ZBTB7C: variants seen among roughly 807,000 people sequenced by gnomAD.
The protein encoded by ZBTB7C is zinc finger and BTB domain containing 7C.
Under a neutral mutation model 25.7 loss-of-function variants are expected in ZBTB7C, and 8 were observed. The ratio of observed to expected loss-of-function variants is 0.31; its 90% CI spans 0.18 to 0.56. The LOEUF (loss-of-function observed/expected upper bound fraction) is 0.56. Ranked by LOEUF, ZBTB7C falls within the 20% of genes least tolerant of loss-of-function variation. The pLI, the probability that ZBTB7C is intolerant of heterozygous loss-of-function variation, is 0.91. For missense variants in ZBTB7C, 824 were observed against 855.2 expected (o/e 0.96, Z 0.46); for synonymous variants, 394 against 369.0 (o/e 1.07, Z -0.78).
chr18:48,069,189 A>T (rs1233378842), intron 3 of ZBTB7C, among the ~76,000 whole-genome samples: 2 of 152,208 alleles, frequency 1.3e-5, no homozygotes, highest in Non-Finnish European at 2.9e-5. Context: ...ACTGTCCCAC[A>T]GTCACTGGGC....
intron 3 of ZBTB7C, among the ~76,000 whole-genome samples, chr18:48,077,886 T>C (rs2037833795): frequency 7.1e-6 from 1 of 140,626 alleles, no homozygotes; most frequent in Non-Finnish European, 1.5e-5. Context: ...TCCCTTAGCC[T>C]CCCCAGCTCA....
At chr18:48,104,284 C>G (rs898725474) in intron 3 of ZBTB7C, among the ~76,000 whole-genome samples, 1 of 152,088 alleles carries the variant, frequency 6.6e-6, no homozygotes, top group African/African-American at 2.4e-5. Flanking sequence ...TTAAAAAGAG[C>G]CTGGTACCTT....
intron 1 of ZBTB7C, among the ~76,000 whole-genome samples, chr18:48,356,066 A>AC (rs11372975): frequency 1 from 152,311 of 152,312 alleles, 76,155 homozygotes; most frequent in Middle Eastern, 1. Flanking sequence ...GGGGCCCAGC[A>AC]CCTGTTTTGG....
chr18:48,224,404 AG>A (rs2043037634), intron 2 of ZBTB7C, among the ~76,000 whole-genome samples: 1 of 152,190 alleles, frequency 6.6e-6, no homozygotes, highest in South Asian at 2.1e-4. Flanking sequence ...GAGCAGAGGA[AG>A]GTTCATGGGA....
chr18:48,320,845 GA>G (rs1239007411), intron 2 of ZBTB7C, among the ~76,000 whole-genome samples: 1 of 152,196 alleles, frequency 6.6e-6, no homozygotes, highest in Non-Finnish European at 1.5e-5. Flanking sequence ...CAGCCAGCCT[GA>G]CCAGAAACCC....
chr18:48,381,783 A>G (rs560328150), intron 1 of ZBTB7C, among the ~76,000 whole-genome samples: 1 of 152,322 alleles, frequency 6.6e-6, no homozygotes, highest in African/African-American at 2.4e-5. Context: ...TCTTCACTCT[A>G]GGATCTAGGC....
chr18:48,075,813 C>T (rs59855428), intron 3 of ZBTB7C, among the ~76,000 whole-genome samples: 8,535 of 152,246 alleles, frequency 0.056, 309 homozygotes, highest in Middle Eastern at 0.1. Flanking sequence ...CTGCTCTGTC[C>T]GCTAATCTCC....
rs199685411 is a variant in ZBTB7C at position 48,195,650 on chromosome 18, G to GT, written c.-78-9656dup. Among the ~76,000 whole-genome samples, 83 of 151,624 alleles carry GT rather than the reference G, an allele frequency of 5.5e-4. 1 individual carries two copies. The highest frequency in any genetic ancestry group is 1.9e-3 in the African/African-American group (79 of 41,314). On this transcript the variant is annotated intron_variant, in intron 2 of 4. Coordinates refer to ENST00000590800, the MANE Select transcript of ZBTB7C (RefSeq NM_001318841.2). ...CACTGCCTACAATTTCCAGTTTTCA[G>GT]TTTTTTTTTCCACTTGAATGACAAA...
chr18:48,193,942 G>T (rs765547534), intron 2 of ZBTB7C, among the ~76,000 whole-genome samples: 1 of 152,254 alleles, frequency 6.6e-6, no homozygotes, highest in African/African-American at 2.4e-5. Context: ...AGAGGGAGTG[G>T]GGGAGGTTGT....
At chr18:48,245,681 A>C (rs1336892969) in intron 2 of ZBTB7C, among the ~76,000 whole-genome samples, 1 of 152,160 alleles carries the variant, frequency 6.6e-6, no homozygotes. Context: ...TAGATTCAGG[A>C]AACAGGACAT....
intron 3 of ZBTB7C, among the ~76,000 whole-genome samples, chr18:48,073,004 T>C (rs1420527373): frequency 1.3e-5 from 2 of 152,198 alleles, no homozygotes; most frequent in Non-Finnish European, 2.9e-5. Context: ...GGAAAAGGAA[T>C]GAACGGGATC....
chr18:48,134,966 A>T (rs2040101081), intron 3 of ZBTB7C, among the ~76,000 whole-genome samples: 1 of 152,194 alleles, frequency 6.6e-6, no homozygotes. Context: ...TGACTGCAGC[A>T]TGGAGACTCC....
chr18:48,171,965 C>T lies in ZBTB7C; in HGVS notation c.-17+13969G>A, dbSNP rs563528953. Among the ~76,000 whole-genome samples, 10 of 152,318 alleles carry T rather than the reference C, an allele frequency of 6.6e-5. No individual in the cohort carries two copies. In the East Asian group the frequency reaches 1.2e-3, roughly 18 times the overall value. ...GTTTTCATGTCAGCCACTCAGTCCA[C>T]GCATTTGGGGATTTCAAAGTCGAAT... On this transcript the variant is annotated intron_variant, in intron 3 of 4. Coordinates refer to ENST00000590800, the MANE Select transcript of ZBTB7C (RefSeq NM_001318841.2).
In ZBTB7C at chr18:48,108,988, A is replaced by G. The variant is rs148616105; in HGVS notation, c.-16-67865T>C. ...GGGTAAGGAAGGGGGGCTCTGAGCT[A>G]TGAACAAAGCCCTGGCAGGAGACAT... is the stretch of plus-strand genomic sequence containing the variant. On this transcript the variant is annotated intron_variant, in intron 3 of 4. Coordinates refer to ENST00000590800, the MANE Select transcript of ZBTB7C (RefSeq NM_001318841.2). Among the ~76,000 whole-genome samples, 24 of 152,270 alleles carry G rather than the reference A, an allele frequency of 1.6e-4. No individual in the cohort carries two copies. The East Asian group carries it at 4.4e-3, about 28-fold the overall frequency.
intron 3 of ZBTB7C, among the ~76,000 whole-genome samples, chr18:48,176,063 G>T (rs1376599834): frequency 1.3e-5 from 2 of 152,114 alleles, no homozygotes; most frequent in African/African-American, 2.4e-5. Context: ...CCACTTGCTA[G>T]TTCCAAGGGA....
At chr18:48,249,520 C>T (rs1400483857) in intron 2 of ZBTB7C, among the ~76,000 whole-genome samples, 3 of 152,158 alleles carry the variant, frequency 2.0e-5, no homozygotes, top group Non-Finnish European at 4.4e-5. Flanking sequence ...GCATATACCA[C>T]AGACAACACT....
chr18:48,137,798 C>T (rs1598951382), intron 3 of ZBTB7C, among the ~76,000 whole-genome samples: 1 of 152,252 alleles, frequency 6.6e-6, no homozygotes, highest in Non-Finnish European at 1.5e-5. Context: ...CTCAGAAATG[C>T]CAACTGGAGA....
intron 1 of ZBTB7C, among the ~76,000 whole-genome samples, chr18:48,367,373 A>ATATATATATATATATATATAT (rs757386700): frequency 1.0e-5 from 1 of 96,476 alleles, no homozygotes; most frequent in Non-Finnish European, 2.0e-5. Context: ...TATATATATA[A>ATATATATATATATATATATAT]AATACAAACA....
chr18:48,335,609 A>T (rs1207498251), intron 2 of ZBTB7C, among the ~76,000 whole-genome samples: 1 of 152,176 alleles, frequency 6.6e-6, no homozygotes, highest in African/African-American at 2.4e-5. Flanking sequence ...TCTAGTCAGG[A>T]TACCCCTGGC....
Sources: allele counts gnomAD v4.1 joint callset (sites outside exome capture counted in the v4.1 genomes callset), GRCh38; gene constraint gnomAD v4.1.1; transcripts MANE v1.5; gene names NCBI Gene and HGNC (gene_info 2026-07-23, HGNC 2026-07-21).